The following ELMO1 variants were observed in gnomAD, a reference collection of about 807,000 sequenced individuals.
ELMO1 encodes the protein engulfment and cell motility protein 1.
A neutral mutation model predicts 98.9 loss-of-function variants in ELMO1; 26 were observed. That is an observed-to-expected ratio of 0.26 (90% confidence interval 0.19 to 0.36). The LOEUF is 0.36. Ranked by LOEUF, ELMO1 falls within the 10% of genes least tolerant of loss-of-function variation. ELMO1 has a pLI of 1.00. For missense variants in ELMO1, 627 were observed against 935.2 expected (o/e 0.67, Z 4.30); for synonymous variants, 346 against 346.0 (o/e 1.00, Z 0.00).
intron 21 of ELMO1, among the ~76,000 whole-genome samples, chr7:36,858,799 T>C (rs949043033): frequency 1.3e-5 from 2 of 152,104 alleles, no homozygotes; most frequent in African/African-American, 4.8e-5. Flanking sequence ...GGTGGACTCT[T>C]GAGTGAAAAA....
intron 16 of ELMO1, among the ~76,000 whole-genome samples, chr7:36,959,141 C>T (rs1391019955): frequency 6.6e-6 from 1 of 152,126 alleles, no homozygotes; most frequent in East Asian, 1.9e-4. Flanking sequence ...TTAGTGCATC[C>T]TGTCAGCTCT....
At chr7:36,921,912 C>T (rs947598852) in intron 16 of ELMO1, among the ~76,000 whole-genome samples, 1 of 152,196 alleles carries the variant, frequency 6.6e-6, no homozygotes, top group Non-Finnish European at 1.5e-5. Flanking sequence ...GACCCCGCTG[C>T]GTATGCCTGT....
At chr7:36,899,720 T>A (rs1806348749) in intron 16 of ELMO1, among the ~76,000 whole-genome samples, 1 of 112,752 alleles carries the variant, frequency 8.9e-6, no homozygotes, top group Non-Finnish European at 1.9e-5. Context: ...AAACTAGGAG[T>A]ACTAATCATT....
At chr7:37,054,346 C>T (rs560515004) in intron 15 of ELMO1, among the ~76,000 whole-genome samples, 1 of 152,124 alleles carries the variant, frequency 6.6e-6, no homozygotes, top group Non-Finnish European at 1.5e-5. Context: ...TCACCCTCAG[C>T]CCCTTAGCAT....
At chr7:36,972,264 G>A (rs530928872) in intron 16 of ELMO1, among the ~76,000 whole-genome samples, 2 of 152,280 alleles carry the variant, frequency 1.3e-5, no homozygotes, top group East Asian at 3.9e-4. Flanking sequence ...TTGCTCTTAC[G>A]GGAAGGAGAT....
At chr7:37,122,607 C>A (rs1041858247) in intron 14 of ELMO1, among the ~76,000 whole-genome samples, 1 of 152,146 alleles carries the variant, frequency 6.6e-6, no homozygotes, top group Non-Finnish European at 1.5e-5. Flanking sequence ...TATATATGCA[C>A]CCAATACAGG....
At chr7:36,875,571 C>G (rs1256087726) in intron 19 of ELMO1, among the ~76,000 whole-genome samples, 10 of 152,212 alleles carry the variant, frequency 6.6e-5, no homozygotes, top group Non-Finnish European at 1.3e-4. Flanking sequence ...TCAGGAGGGG[C>G]TGTCACAATC....
At chr7:37,147,899 T>C (rs1198274750) in intron 13 of ELMO1, among the ~76,000 whole-genome samples, 4 of 151,544 alleles carry the variant, frequency 2.6e-5, no homozygotes, top group Non-Finnish European at 5.9e-5. Flanking sequence ...GTGCAGTGAT[T>C]AACTGAGATG....
chr7:37,298,068 C>A (rs1338529867), intron 4 of ELMO1, among the ~76,000 whole-genome samples: 2 of 151,960 alleles, frequency 1.3e-5, no homozygotes, highest in African/African-American at 4.8e-5. Context: ...TTTGAAGATA[C>A]TTGAGATTTT....
chr7:37,319,414 G>A (rs562148781), intron 2 of ELMO1, among the ~76,000 whole-genome samples: 3 of 152,198 alleles, frequency 2.0e-5, no homozygotes, highest in South Asian at 2.1e-4. Context: ...GCTTCTCACC[G>A]CCTAACTCTT....
intron 17 of ELMO1, among the ~76,000 whole-genome samples, chr7:36,893,006 G>T (rs1435927124): frequency 6.6e-6 from 1 of 152,178 alleles, no homozygotes; most frequent in Non-Finnish European, 1.5e-5. Context: ...AGGAAGTGAA[G>T]ATATAAAGCC....
At chr7:37,355,263 G>A (rs924662161) in intron 1 of ELMO1, among the ~76,000 whole-genome samples, 3 of 152,224 alleles carry the variant, frequency 2.0e-5, no homozygotes, top group African/African-American at 4.8e-5. Flanking sequence ...TGGAATGACA[G>A]AGGTACCTTT....
At chr7:37,224,735 A>C in intron 9 of ELMO1, 144 bp downstream of exon 9, 1 of 1,179,384 alleles carries the variant, frequency 8.5e-7, no homozygotes, top group African/African-American at 1.5e-5. Context: ...TTCCAGTGTG[A>C]CACGTGGTTT....
chr7:37,085,195 G>A (rs1274368790), intron 15 of ELMO1, among the ~76,000 whole-genome samples: 1 of 152,152 alleles, frequency 6.6e-6, no homozygotes, highest in Non-Finnish European at 1.5e-5. Flanking sequence ...AGAAATAAAA[G>A]CATTCTAGAG....
chr7:37,370,306 A>T (rs1348255595), intron 1 of ELMO1, among the ~76,000 whole-genome samples: 1 of 151,978 alleles, frequency 6.6e-6, no homozygotes, highest in African/African-American at 2.4e-5. Flanking sequence ...GGGCCCATTC[A>T]TTTACGGCTC....
At chr7:37,365,051 C>T (rs1160907174) in intron 1 of ELMO1, among the ~76,000 whole-genome samples, 2 of 152,240 alleles carry the variant, frequency 1.3e-5, no homozygotes. Flanking sequence ...TCTGAGCCTG[C>T]GGAGAATGGA....
At chr7:37,281,287 T>C (rs1038475835) in intron 4 of ELMO1, among the ~76,000 whole-genome samples, 1 of 151,996 alleles carries the variant, frequency 6.6e-6, no homozygotes, top group African/African-American at 2.4e-5. Context: ...CAGTGTATAC[T>C]GCTTGGGTGA....
intron 1 of ELMO1, among the ~76,000 whole-genome samples, chr7:37,361,440 G>C (rs1247088816): frequency 1.3e-5 from 2 of 152,150 alleles, no homozygotes; most frequent in Non-Finnish European, 2.9e-5. Flanking sequence ...AGTTTTATTG[G>C]AACAAAGCTA....
chr7:37,179,566 C>T (rs568430000), intron 13 of ELMO1, among the ~76,000 whole-genome samples: 9 of 152,080 alleles, frequency 5.9e-5, no homozygotes, highest in East Asian at 5.8e-4. Flanking sequence ...CGTGAGCCAC[C>T]GAGCCCGGCC....
Sources: allele counts gnomAD v4.1 joint callset (sites outside exome capture counted in the v4.1 genomes callset), GRCh38; gene constraint gnomAD v4.1.1; transcripts MANE v1.5; gene names NCBI Gene and HGNC (gene_info 2026-07-23, HGNC 2026-07-21).